The following ENOSF1 variants were observed in gnomAD, a reference collection of about 807,000 sequenced individuals.
ENOSF1 encodes enolase superfamily member 1, also known as mitochondrial enolase superfamily member 1.
Under a neutral mutation model 68.2 loss-of-function variants are expected in ENOSF1, and 73 were observed. That is an observed-to-expected ratio of 1.07 (90% CI 0.89 to 1.30). The LOEUF (loss-of-function observed/expected upper bound fraction) is 1.30. Ranked by LOEUF, ENOSF1 falls within the 50% of genes most tolerant of loss-of-function variation. The pLI is 0.00. For synonymous variants in ENOSF1, 223 were observed against 210.4 expected (o/e 1.06, Z -0.52); for missense variants, 589 against 554.5 (o/e 1.06, Z -0.62).
chr18:668,172 G>A (rs930256114), downstream of ENOSF1, among the ~76,000 whole-genome samples: 28 of 151,910 alleles, frequency 1.8e-4, no homozygotes, highest in African/African-American at 6.0e-4. Flanking sequence ...ATTTTAGCAC[G>A]TGTAGACTCT....
chr18:692,928 CTT>C lies in ENOSF1; in HGVS notation c.423+952_423+953del, dbSNP rs140228123. 4,509 of 1,176,284 alleles carry C rather than the reference CTT, an allele frequency of 3.8e-3. 158 individuals are homozygous for C. In the African/African-American group the frequency reaches 0.066, roughly 17 times the overall value. The allele number at this position is 1,176,284 out of a possible 1,614,324, so 72.9% of individuals were successfully genotyped here. A position where few individuals can be genotyped will look rare whatever the true frequency, so the allele number is the denominator to read the frequency against. ...CAACACTCTTCAAGGCCATGGTGTT[CTT>C]TGTTTTTCCTTAATTTTTTGCCAAC... On this transcript the variant is annotated intron_variant, in intron 5 of 15. Transcript: ENST00000647584.
intron 14 of ENOSF1, among the ~76,000 whole-genome samples, chr18:676,405 C>T (rs562000155): frequency 6.6e-6 from 1 of 152,052 alleles, no homozygotes; most frequent in South Asian, 2.1e-4. Flanking sequence ...TGGTGCTGTT[C>T]GAGATAGTTA....
chr18:706,881 C>A (rs1208608493), intron 1 of ENOSF1: 1 of 149,610 alleles, frequency 6.7e-6, no homozygotes, highest in Admixed American at 6.7e-5. Flanking sequence ...TGCAATGGTG[C>A]GATCTCAGCT....
intron 5 of ENOSF1, chr18:691,891 G>C (rs545283818): frequency 6.5e-6 from 1 of 152,750 alleles, no homozygotes; most frequent in African/African-American, 2.4e-5. Flanking sequence ...GGAGCTCAGT[G>C]GGGAGATGAA....
At chr18:664,326 A>G in the ENOSF1 span, among the ~76,000 whole-genome samples, 30 of 150,092 alleles carry the variant, frequency 2.0e-4, no homozygotes, top group Admixed American at 6.0e-4. Context: ...TTTGTCTGTT[A>G]TTGGTGTATA....
chr18:683,055 G>C (rs542947711), intron 11 of ENOSF1, 191 bp downstream of exon 11: 45 of 683,604 alleles, frequency 6.6e-5, no homozygotes, highest in Non-Finnish European at 1.0e-4. Context: ...TAAGGGCAAA[G>C]TATAAGCTGA....
rs2144385326 is a variant in ENOSF1 at position 671,587 on chromosome 18, AGTG to A, written c.*2715_*2717del. On this transcript the variant is annotated 3_prime_UTR_variant, in exon 16 of 16. Transcript: ENST00000647584. ...AATGTGGGGCTTCAGTTTAGGGAGAAGTGGTGGGCAGGTGGGCAGGACAAGGCA... is the reference window on the plus strand; with the variant it reads ...AATGTGGGGCTTCAGTTTAGGGAGAAGTGGGCAGGTGGGCAGGACAAGGCA... The A allele has an allele frequency of 1.4e-6, 1 of 701,716 alleles. No homozygotes were observed. Among genetic ancestry groups the A allele is most frequent in the Middle Eastern group, 2.3e-4 (1 of 4,272 alleles). 43.5% of individuals were successfully genotyped at this position (701,716 alleles called of 1,614,324 possible). A position where few individuals can be genotyped will look rare whatever the true frequency, so the allele number is the denominator to read the frequency against.
chr18:703,420 C>A (rs963993961), intron 2 of ENOSF1, among the ~76,000 whole-genome samples: 2 of 152,090 alleles, frequency 1.3e-5, no homozygotes, highest in African/African-American at 4.8e-5. Context: ...TTTTATGCAA[C>A]CTTTGGGGGC....
chr18:707,516 C>T (rs182465353), intron 1 of ENOSF1: 3 of 152,274 alleles, frequency 2.0e-5, no homozygotes, highest in Admixed American at 2.0e-4. Flanking sequence ...GTTCAGACAC[C>T]AGTGGGGGAA....
At chr18:690,449 T>C (rs1156753599) in intron 8 of ENOSF1, 100 bp downstream of exon 8, 34 of 1,302,310 alleles carry the variant, frequency 2.6e-5, no homozygotes, top group Non-Finnish European at 3.5e-5. Context: ...ACATCTGGTG[T>C]CAGAAGTGAG....
At chr18:690,904 G>A in intron 7 of ENOSF1, 164 bp downstream of exon 7, 2 of 1,186,490 alleles carry the variant, frequency 1.7e-6, no homozygotes, top group African/African-American at 1.5e-5. Context: ...GCAGTCAGAG[G>A]TCATACCCAG....
chr18:687,500 G>C (rs907835200), intron 9 of ENOSF1: 1 of 152,244 alleles, frequency 6.6e-6, no homozygotes, highest in South Asian at 2.1e-4. Flanking sequence ...AGTAGCAGGA[G>C]GCTCAGAGAC....
chr18:693,859 G>A (rs1598698294), intron 5 of ENOSF1, 23 bp downstream of exon 5: 4 of 1,613,122 alleles, frequency 2.5e-6, no homozygotes, highest in Middle Eastern at 1.7e-4. Flanking sequence ...AGAAACAATT[G>A]TAACATTAAC....
chr18:694,661 T>C (rs544299912), intron 3 of ENOSF1, among the ~76,000 whole-genome samples: 2 of 151,612 alleles, frequency 1.3e-5, no homozygotes, highest in Admixed American at 1.3e-4. Flanking sequence ...GAGAAAGATA[T>C]TTAGGTCTTC....
In ENOSF1 at chr18:675,360, A is replaced by T. The variant is rs1021934235; in HGVS notation, c.1191T>A (p.Tyr397Ter). ...AGGAAGCCCGCTGGATCATCACGGG[A>T]TACTTGAAATGCTCATGCAGGTGGT... is the stretch of plus-strand genomic sequence containing the variant. ...YVDHLHEHFK[Y>*]PVMIQRASYM... Residue 397 changes from tyrosine (Y) to a stop codon, truncating the protein, a stop_gained, in exon 15 of 16, where the codon TAT (tyrosine) becomes TAA (stop). Transcript: ENST00000647584. LOFTEE classifies it high-confidence loss of function. 4 of 1,613,014 alleles carry T rather than the reference A, an allele frequency of 2.5e-6. No homozygotes were observed. In the African/African-American group the frequency reaches 5.3e-5, roughly 22 times the overall value.
Position 674,280 on chromosome 18 carries a change from G to T in ENOSF1, c.*25C>A, listed in dbSNP as rs2075240150. 2 of 1,527,252 alleles carry T rather than the reference G, an allele frequency of 1.3e-6. No homozygotes were observed. The highest frequency in any genetic ancestry group is 2.4e-5 in the South Asian group (2 of 83,344). 94.6% of individuals were successfully genotyped at this position (1,527,252 alleles called of 1,614,324 possible). ...ATTTTAAGCCCTTTCACTTCAGAAA[G>T]AAAAAAGTTGTTGGGGCTGAGCACT... is the stretch of plus-strand genomic sequence containing the variant. On this transcript the variant is annotated 3_prime_UTR_variant, in exon 16 of 16. Transcript: ENST00000647584.
intron 3 of ENOSF1, among the ~76,000 whole-genome samples, chr18:695,101 T>C (rs1382254407): frequency 1.3e-5 from 2 of 152,234 alleles, no homozygotes; most frequent in African/African-American, 2.4e-5. Context: ...CCCTAATCCA[T>C]ATCCCATCTG....
chr18:670,915 C>G lies in ENOSF1; in HGVS notation c.*3390G>C. 1 of 1,587,338 alleles carries G rather than the reference C, an allele frequency of 6.3e-7. No homozygotes were observed. On this transcript the variant is annotated 3_prime_UTR_variant, in exon 16 of 16. Coordinates refer to ENST00000647584, the MANE Select transcript of ENOSF1 (RefSeq NM_017512.7). Reference sequence around the variant, plus strand: ...ACTTGCCAGCCTACCACACTGAGCTCTTCAGTTCTTTAATATGGGAAAACA... The same window carrying G: ...ACTTGCCAGCCTACCACACTGAGCTGTTCAGTTCTTTAATATGGGAAAACA...
At chr18:667,131 AGATGGTGATGGTGATGGT>A (rs1179372941), downstream of ENOSF1, among the ~76,000 whole-genome samples, 40 of 34,750 alleles carry the variant, frequency 1.2e-3, no homozygotes, top group Non-Finnish European at 1.4e-3. Flanking sequence ...ATGGTGATGG[AGATGGTGATGGTGATGGT>A]GATGGTGATG....
Sources: allele counts gnomAD v4.1 joint callset (sites outside exome capture counted in the v4.1 genomes callset), GRCh38; gene constraint gnomAD v4.1.1; transcripts MANE v1.5; gene names NCBI Gene and HGNC (gene_info 2026-07-23, HGNC 2026-07-21).